DPYSL5: variants seen among roughly 807,000 people sequenced by gnomAD.
DPYSL5 encodes the protein dihydropyrimidinase-related protein 5.
A neutral mutation model predicts 58.4 loss-of-function variants in DPYSL5; 9 were observed. That is an observed-to-expected ratio of 0.15 (90% CI 0.09 to 0.27). The LOEUF (loss-of-function observed/expected upper bound fraction) is 0.27. Among genes scored for constraint, DPYSL5 ranks in the 10% least tolerant of loss-of-function variants. DPYSL5 has a pLI of 1.00. For synonymous variants in DPYSL5, 293 were observed against 301.9 expected (o/e 0.97, Z 0.31); for missense variants, 499 against 770.6 (o/e 0.65, Z 4.17).
rs1007893512 is a variant in DPYSL5 at position 26,849,914 on chromosome 2, C to T, written c.-5+1660C>T. Among the ~76,000 whole-genome samples, 3 of 152,194 alleles carry T rather than the reference C, an allele frequency of 2.0e-5. No individual in the cohort carries two copies. The highest frequency in any genetic ancestry group is 4.4e-5 in the Non-Finnish European group (3 of 68,030). Reference sequence around the variant, plus strand: ...TCTGGTGCAGCGCCGCCGCCCGCCCCGCGCTGTCCACCCGCTGCCGAGACG... The same window carrying T: ...TCTGGTGCAGCGCCGCCGCCCGCCCTGCGCTGTCCACCCGCTGCCGAGACG... On this transcript the variant is annotated intron_variant, in intron 1 of 12. Coordinates refer to ENST00000288699, the MANE Select transcript of DPYSL5 (RefSeq NM_020134.4). This position sits in a 1 kb window ranked among gnomAD's most constrained non-coding sequence, Gnocchi z 6.2.
intron 1 of DPYSL5, among the ~76,000 whole-genome samples, chr2:26,872,852 T>C (rs1226394865): frequency 6.6e-6 from 1 of 152,200 alleles, no homozygotes; most frequent in Non-Finnish European, 1.5e-5. Flanking sequence ...AATATTTCCG[T>C]ACCTTCTGCA....
At chr2:26,900,103 G>A (rs1420799219) in intron 2 of DPYSL5, among the ~76,000 whole-genome samples, 2 of 152,156 alleles carry the variant, frequency 1.3e-5, no homozygotes, top group Admixed American at 6.5e-5. Flanking sequence ...TGCAGAAATT[G>A]TAAGTACACA....
intron 1 of DPYSL5, among the ~76,000 whole-genome samples, chr2:26,897,436 T>C (rs987335267): frequency 1.3e-5 from 2 of 152,224 alleles, no homozygotes; most frequent in African/African-American, 4.8e-5. Context: ...TTTTCTTCCT[T>C]AGTTTATAAA....
intron 1 of DPYSL5, among the ~76,000 whole-genome samples, chr2:26,866,305 A>G (rs1367166070): frequency 6.6e-6 from 1 of 152,178 alleles, no homozygotes; most frequent in Non-Finnish European, 1.5e-5. Flanking sequence ...AGTAAATTTG[A>G]CTGGGTGAGT....
chr2:26,917,231 A>C (rs877274), intron 2 of DPYSL5, among the ~76,000 whole-genome samples: 59,908 of 152,062 alleles, frequency 0.39, 12,205 homozygotes, highest in Admixed American at 0.54. Context: ...GAGCAAAGTA[A>C]GGTCAGGAAG....
At position 26,940,190 on chromosome 2, in the gene DPYSL5, C is replaced by T; in HGVS notation, c.1089+18C>T. 6.2e-7 allele frequency: 1 copy of T among 1,612,706 alleles called. No homozygotes were observed. Among genetic ancestry groups the T allele is most frequent in the Non-Finnish European group, 8.5e-7 (1 of 1,179,618 alleles). On this transcript the variant is annotated intron_variant, in intron 9 of 12. Coordinates refer to ENST00000288699, the MANE Select transcript of DPYSL5 (RefSeq NM_020134.4). ...GAGGAGTGGTATGTTTCCTAGAGCC[C>T]CGCCCCGATCTGATCCCTGCTCTAA...
Position 26,932,086 on chromosome 2 carries a change from GAAA to G in DPYSL5, c.714+406_714+408del, listed in dbSNP as rs1487726823. On this transcript the variant is annotated intron_variant, in intron 6 of 12. Transcript: ENST00000288699. The stretch of plus-strand genomic sequence containing the variant: ...GAAAGAAAGAAAGAAAGAAAGAAAA[GAAA>G]AAAGAAAGAGAAAGAAAGAAAAGAA... Among the ~76,000 whole-genome samples, 49 of 29,154 alleles carry G rather than the reference GAAA, an allele frequency of 1.7e-3. 1 individual carries two copies. The highest frequency in any genetic ancestry group is 5.9e-3 in the African/African-American group (40 of 6,772). 19.1% of individuals were successfully genotyped at this position (29,154 alleles called of 152,430 possible).
At chr2:26,897,190 A>T (rs972233872) in intron 1 of DPYSL5, among the ~76,000 whole-genome samples, 2 of 152,182 alleles carry the variant, frequency 1.3e-5, no homozygotes, top group Admixed American at 1.3e-4. Context: ...AGTGCTGGCT[A>T]GAATAACCTA....
At position 26,873,453 on chromosome 2, in the gene DPYSL5, G is replaced by A. The variant is rs1197975583; in HGVS notation, c.-4-25043G>A. On this transcript the variant is annotated intron_variant, in intron 1 of 12. Transcript: ENST00000288699. The stretch of plus-strand genomic sequence containing the variant: ...ATAGCAATGTCTGGAGACATTTTTG[G>A]TTGTCACAACTGGGCAGGTACTACT... Among the ~76,000 whole-genome samples the A allele has an allele frequency of 2.0e-5, 3 of 152,126 alleles. No homozygotes were observed. In the East Asian group the frequency reaches 5.8e-4, roughly 29 times the overall value.
chr2:26,925,723 C>T lies in DPYSL5; in HGVS notation c.420+678C>T, dbSNP rs1421227625. Among the ~76,000 whole-genome samples, 1 of 152,186 alleles carries T rather than the reference C, an allele frequency of 6.6e-6. No individual in the cohort carries two copies. The highest frequency in any genetic ancestry group is 1.5e-5 in the Non-Finnish European group (1 of 68,036). The stretch of plus-strand genomic sequence containing the variant: ...GTCCAGACTCCTCTCCCCGGATTCC[C>T]ACTTCCTTGCTCTTCCTAATCTACA... On this transcript the variant is annotated intron_variant, in intron 3 of 12. Coordinates refer to ENST00000288699, the MANE Select transcript of DPYSL5 (RefSeq NM_020134.4). This position sits in a 1 kb window ranked among gnomAD's most constrained non-coding sequence, Gnocchi z 4.5.
intron 1 of DPYSL5, among the ~76,000 whole-genome samples, chr2:26,863,959 T>C (rs567212693): frequency 6.6e-6 from 1 of 152,270 alleles, no homozygotes; most frequent in Non-Finnish European, 1.5e-5. Flanking sequence ...TACATATAGT[T>C]AGACCGGGTG....
At chr2:26,941,808 A>T in intron 9 of DPYSL5, 142 bp from the exon 10 acceptor site, 1 of 1,101,274 alleles carries the variant, frequency 9.1e-7, no homozygotes, top group Non-Finnish European at 1.3e-6. Flanking sequence ...CTCATCTGAG[A>T]TGGTGCTCAT....
intron 1 of DPYSL5, among the ~76,000 whole-genome samples, chr2:26,859,446 G>A (rs1329784071): frequency 6.6e-6 from 1 of 151,834 alleles, no homozygotes; most frequent in African/African-American, 2.4e-5. Flanking sequence ...ATAAATACCT[G>A]TTAATTCCTT....
At chr2:26,908,940 T>A (rs1475728006) in intron 2 of DPYSL5, among the ~76,000 whole-genome samples, 3 of 152,246 alleles carry the variant, frequency 2.0e-5, no homozygotes, top group Non-Finnish European at 4.4e-5. Context: ...TTTTAATATT[T>A]CAAGAAATAT....
rs1425773322 is a variant in DPYSL5 at position 26,948,057 on chromosome 2, CT to C, written c.*1063del. The C allele has an allele frequency of 6.7e-6, 1 of 149,736 alleles. No homozygotes were observed. Among genetic ancestry groups the C allele is most frequent in the African/African-American group, 2.6e-5 (1 of 38,264 alleles). The allele number at this position is 149,736 out of a possible 1,614,324, so 9.3% of individuals were successfully genotyped here. A position where few individuals can be genotyped will look rare whatever the true frequency, so the allele number is the denominator to read the frequency against. On this transcript the variant is annotated 3_prime_UTR_variant, in exon 13 of 13. Coordinates refer to ENST00000288699, the MANE Select transcript of DPYSL5 (RefSeq NM_020134.4). ...CTCCCAGCACTCCCCTTGCCTTCCC[CT>C]GTCTTCACCTGCCACCACACACACA... is the stretch of plus-strand genomic sequence containing the variant.
chr2:26,860,129 C>A (rs1043528731), intron 1 of DPYSL5, among the ~76,000 whole-genome samples: 49 of 152,150 alleles, frequency 3.2e-4, no homozygotes, highest in Admixed American at 3.0e-3. Context: ...AAAGTGAAAA[C>A]GTGCACTGAG....
chr2:26,946,634 C>T (rs1343228301), intron 12 of DPYSL5, among the ~76,000 whole-genome samples: 1 of 152,226 alleles, frequency 6.6e-6, no homozygotes, highest in Non-Finnish European at 1.5e-5. Flanking sequence ...TATGCCTAGG[C>T]ATGGGGCAGT....
intron 1 of DPYSL5, among the ~76,000 whole-genome samples, chr2:26,885,681 C>CT (rs1307282959): frequency 1.3e-5 from 2 of 152,212 alleles, no homozygotes; most frequent in Non-Finnish European, 2.9e-5. Flanking sequence ...CAGAGACTCT[C>CT]TCTAGCCTCT....
intron 5 of DPYSL5, among the ~76,000 whole-genome samples, chr2:26,928,704 T>TATATATATATATACACACACACACAC: frequency 4.8e-5 from 3 of 62,958 alleles, no homozygotes; most frequent in East Asian, 1.2e-3. Context: ...TATATATATA[T>TATATATATATATACACACACACACAC]ACACACACAC....
Sources: allele counts gnomAD v4.1 joint callset (sites outside exome capture counted in the v4.1 genomes callset), GRCh38; gene constraint gnomAD v4.1.1; non-coding constraint Gnocchi (gnomAD v3.1); transcripts MANE v1.5; gene names NCBI Gene and HGNC (gene_info 2026-07-23, HGNC 2026-07-21).